MYO7A: variants seen among roughly 807,000 people sequenced by gnomAD.
MYO7A encodes the protein unconventional myosin-VIIa.
A neutral mutation model predicts 263.8 loss-of-function variants in MYO7A; 210 were observed. That is an observed-to-expected ratio of 0.80 (90% CI 0.71 to 0.89). MYO7A has a LOEUF of 0.89. Ranked by LOEUF, MYO7A falls within the 40% of genes least tolerant of loss-of-function variation. MYO7A has a pLI of 0.00. For missense variants in MYO7A, 2,820 were observed against 2,968.3 expected (o/e 0.95, Z 1.16); for synonymous variants, 1,239 against 1,197.3 (o/e 1.03, Z -0.72).
At chr11:77,204,862 T>C (rs562245477) in intron 39 of MYO7A, among the ~76,000 whole-genome samples, 59 of 152,308 alleles carry the variant, frequency 3.9e-4, no homozygotes, top group Non-Finnish European at 1.2e-4. Flanking sequence ...CCTTTGTACA[T>C]ACTGTGCCCA....
rs1432069074 is a variant in MYO7A at position 77,197,494 on chromosome 11, AGAG to A, written c.4341_4343del (p.Arg1448del). The A allele has an allele frequency of 5.6e-6, 9 of 1,600,958 alleles. No individual in the cohort carries two copies. Among genetic ancestry groups the A allele is most frequent in the Non-Finnish European group, 7.7e-6 (9 of 1,173,480 alleles). ...CTCTCCTTCCAGGGGATTTATGCCC[AGAG>A]GAGAACTGATGCCCAGAAGGTCAAA... On this transcript the variant is annotated inframe_deletion, in exon 33 of 49. Transcript: ENST00000409709.
intron 7 of MYO7A, 120 bp from the exon 8 acceptor site, chr11:77,157,159 C>A: frequency 7.4e-7 from 1 of 1,353,594 alleles, no homozygotes; most frequent in Non-Finnish European, 1.0e-6. Flanking sequence ...CCATGAAACC[C>A]ACCGATGGGC....
chr11:77,201,731 T>A lies in MYO7A; in HGVS notation c.5043+93T>A, dbSNP rs896281097. The A allele has an allele frequency of 4.5e-6, 6 of 1,344,754 alleles. No individual in the cohort carries two copies. The African/African-American group carries it at 7.2e-5, about 16-fold the overall frequency. The allele number at this position is 1,344,754 out of a possible 1,614,324, so 83.3% of individuals were successfully genotyped here. On this transcript the variant is annotated intron_variant, in intron 36 of 48. Coordinates refer to ENST00000409709, the MANE Select transcript of MYO7A (RefSeq NM_000260.4). ...GCTGTACAATAGGTTAACGGTCTAG[T>A]GCATCTGTGAAGATGATCTTGGGAT...
rs1957428844 is a variant in MYO7A at position 77,206,078 on chromosome 11, GC to G, written c.5637-15del. The G allele has an allele frequency of 1.3e-6, 2 of 1,590,744 alleles. No homozygotes were observed. Among genetic ancestry groups the G allele is most frequent in the African/African-American group, 1.3e-5 (1 of 74,204 alleles). On this transcript the variant is annotated intron_variant, in intron 40 of 48. Transcript: ENST00000409709. ...CAGTCCCACGCACATGCCCCCTGCT[GC>G]CCCTGCTGCCTTTTCAGAAACGGGT...
chr11:77,184,820 G>T, intron 27 of MYO7A, 105 bp downstream of exon 27: 2 of 1,532,940 alleles, frequency 1.3e-6, no homozygotes, highest in Admixed American at 2.0e-5. Flanking sequence ...CCTGGGTTTG[G>T]CTTCGCTGCT....
rs1591394301 is a variant in MYO7A at position 77,184,935 on chromosome 11, TA to T, written c.3503+221del. ...TCCTAAAACAGGCATCCCTTGGAGA[TA>T]TTGCAGGTTCAGTTGAAGGCCACAG... On this transcript the variant is annotated intron_variant, in intron 27 of 48. Coordinates refer to ENST00000409709, the MANE Select transcript of MYO7A (RefSeq NM_000260.4). The T allele has an allele frequency of 1.0e-5, 8 of 799,862 alleles. No individual in the cohort carries two copies. The East Asian group carries it at 2.1e-4, about 21-fold the overall frequency. 49.5% of individuals were successfully genotyped at this position (799,862 alleles called of 1,614,324 possible).
intron 27 of MYO7A, among the ~76,000 whole-genome samples, chr11:77,185,239 G>A (rs1424698579): frequency 6.6e-6 from 1 of 152,200 alleles, no homozygotes; most frequent in African/African-American, 2.4e-5. Flanking sequence ...ATTAAGATAA[G>A]ACAACAGTGA....
Position 77,192,050 on chromosome 11 carries a change from G to T in MYO7A, c.3925-1G>T, listed in dbSNP as rs2135574922. ...TGCTCCCCTCCCCTCTGTGCCCACA[G>T]GTGTCCTCCCTGGGCAGCGGCAGTG... On this transcript the variant is annotated splice_acceptor_variant, in intron 30 of 48. Transcript: ENST00000409709. LOFTEE classifies it high-confidence loss of function. 6.2e-7 allele frequency: 1 copy of T among 1,612,308 alleles called. No individual in the cohort carries two copies. Among genetic ancestry groups the T allele is most frequent in the Non-Finnish European group, 8.5e-7 (1 of 1,179,502 alleles).
chr11:77,196,453 T>C (rs1591446486), intron 32 of MYO7A, among the ~76,000 whole-genome samples: 1 of 152,066 alleles, frequency 6.6e-6, no homozygotes, highest in Non-Finnish European at 1.5e-5. Context: ...ATATGGTAGG[T>C]TGGGGAAGGA....
At position 77,192,108 on chromosome 11, in the gene MYO7A, C is replaced by G; in HGVS notation, c.3982C>G (p.Gln1328Glu). Residue 1328 changes from glutamine (Q) to glutamate (E), a missense_variant, in exon 31 of 49, where the codon CAG becomes GAG. Transcript: ENST00000409709. ...CATGGACGCCATCTCCCAGTGCGAG[C>G]AGTACGCCAAGGAGCAGGGCGCCCA... ...HVMDAISQCE[Q>E]YAKEQGAQER... 6.2e-7 allele frequency: 1 copy of G among 1,613,906 alleles called. No individual in the cohort carries two copies. Among genetic ancestry groups the G allele is most frequent in the Non-Finnish European group, 8.5e-7 (1 of 1,179,894 alleles).
At position 77,147,901 on chromosome 11, in the gene MYO7A, C is replaced by A; in HGVS notation, c.236C>A (p.Ala79Glu). The A allele has an allele frequency of 1.3e-6, 2 of 1,583,338 alleles. No homozygotes were observed. Among genetic ancestry groups the A allele is most frequent in the Non-Finnish European group, 8.6e-7 (1 of 1,165,888 alleles). ...ATCCGCCTGGGGGACCTCAACGAGG[C>A]GGGCATCTTGCGCAACCTGCTTATC... ...DMIRLGDLNEAGILRNLLIRY... is the reference protein window; with the variant it reads ...DMIRLGDLNEEGILRNLLIRY... The change falls in exon 4 of 49, where the codon GCG becomes GAG. Residue 79 changes from alanine (A) to glutamate (E), a missense_variant. Coordinates refer to ENST00000409709, the MANE Select transcript of MYO7A (RefSeq NM_000260.4).
rs1256368710 is a variant in MYO7A at position 77,204,222 on chromosome 11, C to T, written c.5473C>T (p.His1825Tyr). The T allele has an allele frequency of 6.4e-7, 1 of 1,573,000 alleles. No individual in the cohort carries two copies. The highest frequency in any genetic ancestry group is 1.2e-5 in the South Asian group (1 of 85,150). Residue 1825 changes from histidine (H) to tyrosine (Y), a missense_variant, in exon 39 of 49, where the codon CAC becomes TAC. His to Tyr is a moderately conservative substitution (Grantham distance 83). Coordinates refer to ENST00000409709, the MANE Select transcript of MYO7A (RefSeq NM_000260.4). ...GATCCTGAAGCAGCTGACCGACAAC[C>T]ACATCAGGTGAGCCAGGCACAGTGG... ...VQILKQLTDN[H>Y]IRYSEERGWE...
At chr11:77,173,862 T>A (rs1954370340) in intron 16 of MYO7A, among the ~76,000 whole-genome samples, 1 of 151,746 alleles carries the variant, frequency 6.6e-6, no homozygotes, top group African/African-American at 2.4e-5. Context: ...TCCAGTGAGC[T>A]CTCCCTCTAA....
chr11:77,176,002 C>T (rs921266342), intron 18 of MYO7A, among the ~76,000 whole-genome samples: 10 of 152,344 alleles, frequency 6.6e-5, no homozygotes, highest in African/African-American at 2.4e-4. Context: ...GAGTCACAGC[C>T]TTGGAGACAT....
chr11:77,186,821 T>G (rs1158542594), intron 27 of MYO7A, among the ~76,000 whole-genome samples: 1 of 152,226 alleles, frequency 6.6e-6, no homozygotes, highest in Non-Finnish European at 1.5e-5. Context: ...CATTCACAAG[T>G]TGGTTAACTG....
intron 15 of MYO7A, among the ~76,000 whole-genome samples, chr11:77,171,377 G>A (rs1004860068): frequency 2.8e-4 from 42 of 152,190 alleles, no homozygotes; most frequent in Non-Finnish European, 5.3e-4. Flanking sequence ...GGATCAAATT[G>A]AGGACAACGC....
Position 77,208,520 on chromosome 11 carries a change from A to G in MYO7A, c.5944+3A>G. On this transcript the variant is annotated splice_donor_region_variant and intron_variant, in intron 43 of 48. Coordinates refer to ENST00000409709, the MANE Select transcript of MYO7A (RefSeq NM_000260.4). The stretch of plus-strand genomic sequence containing the variant: ...GAAAGCTCGGCCCATCAAGGACGGT[A>G]ATGAGGCCGGGTCCTGGGATCATCT... The G allele has an allele frequency of 1.2e-6, 2 of 1,611,576 alleles. No homozygotes were observed. Among genetic ancestry groups the G allele is most frequent in the Non-Finnish European group, 1.7e-6 (2 of 1,178,614 alleles).
chr11:77,130,782 C>A, intron 2 of MYO7A, 130 bp downstream of exon 2: 1 of 1,047,310 alleles, frequency 9.5e-7, no homozygotes, highest in Non-Finnish European at 1.4e-6. Context: ...CCAAACCCAG[C>A]CCTCCAGGCT....
chr11:77,214,336 C>T (rs933670920), intron 48 of MYO7A, among the ~76,000 whole-genome samples: 9 of 152,210 alleles, frequency 5.9e-5, no homozygotes, highest in Non-Finnish European at 1.3e-4. Flanking sequence ...AACTGAGAGC[C>T]AGTAGGGTCA....
Sources: allele counts gnomAD v4.1 joint callset (sites outside exome capture counted in the v4.1 genomes callset), GRCh38; gene constraint gnomAD v4.1.1; transcripts MANE v1.5; gene names NCBI Gene and HGNC (gene_info 2026-07-23, HGNC 2026-07-21).